RARB: variants seen among roughly 807,000 people sequenced by gnomAD.
RARB encodes the protein retinoic acid receptor beta.
Under a neutral mutation model 51.9 loss-of-function variants are expected in RARB, and 17 were observed. The ratio of observed to expected loss-of-function variants is 0.33; its 90% CI spans 0.22 to 0.49. The LOEUF is 0.49. RARB is among the 20% of genes least tolerant of loss of function. The pLI is 0.99. For synonymous variants in RARB, 215 were observed against 195.4 expected (o/e 1.10, Z -0.84); for missense variants, 369 against 550.8 (o/e 0.67, Z 3.30).
intron 2 of RARB, among the ~76,000 whole-genome samples, chr3:24,893,942 C>T (rs1477651117): frequency 1.3e-5 from 2 of 152,156 alleles, no homozygotes; most frequent in East Asian, 1.9e-4. Flanking sequence ...ATTATACTTT[C>T]AGTGTACCTA....
At chr3:25,427,345 A>G (rs1708022634), upstream of RARB, among the ~76,000 whole-genome samples, 1 of 152,206 alleles carries the variant, frequency 6.6e-6, no homozygotes, top group Non-Finnish European at 1.5e-5. Flanking sequence ...CCCAGTTAAC[A>G]CTGACGTGGG....
chr3:25,093,954 C>T (rs1178358678), intron 3 of RARB, among the ~76,000 whole-genome samples: 4 of 152,116 alleles, frequency 2.6e-5, no homozygotes, highest in African/African-American at 4.8e-5. Flanking sequence ...CACATATACA[C>T]ACAAAACAAA....
chr3:25,305,382 T>C (rs747235045), intron 5 of RARB, among the ~76,000 whole-genome samples: 2 of 152,078 alleles, frequency 1.3e-5, no homozygotes, highest in Non-Finnish European at 2.9e-5. Flanking sequence ...TTTAAAAATA[T>C]GATATCTCCC....
At chr3:25,537,269 C>T (rs1242207109) in intron 3 of RARB, among the ~76,000 whole-genome samples, 1 of 152,210 alleles carries the variant, frequency 6.6e-6, no homozygotes, top group Non-Finnish European at 1.5e-5. Context: ...CCATTTGATG[C>T]TTTAAGCTCA....
intron 4 of RARB, among the ~76,000 whole-genome samples, chr3:25,153,031 A>G (rs73050329): frequency 0.085 from 12,890 of 152,256 alleles, 720 homozygotes; most frequent in Non-Finnish European, 0.13. Flanking sequence ...AAAGGACAGA[A>G]TAATTTTGAA....
At chr3:25,026,312 A>C (rs1200870200) in intron 2 of RARB, among the ~76,000 whole-genome samples, 1 of 152,100 alleles carries the variant, frequency 6.6e-6, no homozygotes, top group Non-Finnish European at 1.5e-5. Flanking sequence ...ATAGAAATTT[A>C]TTTTCTCACA....
chr3:25,376,511 C>T (rs764637230), intron 5 of RARB, among the ~76,000 whole-genome samples: 6 of 152,174 alleles, frequency 3.9e-5, no homozygotes, highest in Non-Finnish European at 8.8e-5. Flanking sequence ...ACCTGGGAGA[C>T]TCTACGATAC....
chr3:24,883,629 T>G (rs906394545), intron 2 of RARB, among the ~76,000 whole-genome samples: 2 of 152,146 alleles, frequency 1.3e-5, no homozygotes, highest in African/African-American at 2.4e-5. Context: ...ATCTATGAAG[T>G]GTCAGCAGCT....
chr3:25,253,158 A>G (rs190556526), intron 5 of RARB, among the ~76,000 whole-genome samples: 2 of 152,306 alleles, frequency 1.3e-5, no homozygotes, highest in East Asian at 1.9e-4. Flanking sequence ...TACTAGTACT[A>G]CCAAAGAGTT....
At chr3:25,095,717 C>A (rs1383798862) in intron 3 of RARB, among the ~76,000 whole-genome samples, 3 of 151,828 alleles carry the variant, frequency 2.0e-5, no homozygotes. Flanking sequence ...TGGGGGTGGC[C>A]AGAGTATTAC....
intron 2 of RARB, among the ~76,000 whole-genome samples, chr3:25,043,827 T>C (rs768737291): frequency 1.3e-5 from 2 of 152,296 alleles, no homozygotes; most frequent in East Asian, 1.9e-4. Context: ...GTTAGACATA[T>C]GCAATAAAAA....
At chr3:25,077,715 T>A (rs1300655906) in intron 3 of RARB, among the ~76,000 whole-genome samples, 1 of 152,146 alleles carries the variant, frequency 6.6e-6, no homozygotes, top group East Asian at 1.9e-4. Context: ...AGAGTGTGTG[T>A]GTGTATGTGT....
At chr3:24,839,969 TATC>T (rs1239912740) in intron 1 of RARB, among the ~76,000 whole-genome samples, 1 of 152,190 alleles carries the variant, frequency 6.6e-6, no homozygotes, top group African/African-American at 2.4e-5. Flanking sequence ...GATTGGATGG[TATC>T]ATAGCTGAGA....
At chr3:25,008,402 G>C (rs1374315383) in intron 2 of RARB, among the ~76,000 whole-genome samples, 1 of 152,058 alleles carries the variant, frequency 6.6e-6, no homozygotes, top group Non-Finnish European at 1.5e-5. Context: ...CAGGAACTTG[G>C]CTTCTGAAAT....
At chr3:25,226,136 G>A (rs1009483092) in intron 5 of RARB, among the ~76,000 whole-genome samples, 1 of 152,064 alleles carries the variant, frequency 6.6e-6, no homozygotes, top group African/African-American at 2.4e-5. Flanking sequence ...TAAAAGATTT[G>A]CCATCAGTTT....
chr3:24,921,024 G>A (rs534562162), intron 2 of RARB, among the ~76,000 whole-genome samples: 1 of 152,236 alleles, frequency 6.6e-6, no homozygotes, highest in South Asian at 2.1e-4. Context: ...GCTTACTGGT[G>A]CAGAGGCCTA....
intron 5 of RARB, among the ~76,000 whole-genome samples, chr3:25,389,775 C>T (rs1264295158): frequency 1.3e-5 from 2 of 152,098 alleles, no homozygotes; most frequent in Admixed American, 1.3e-4. Context: ...GAAAGTGCAC[C>T]TGTGTGCATA....
chr3:24,941,353 A>G (rs1280011307), intron 2 of RARB, among the ~76,000 whole-genome samples: 1 of 151,750 alleles, frequency 6.6e-6, no homozygotes, highest in Non-Finnish European at 1.5e-5. Flanking sequence ...AAAATGTGAG[A>G]CAATCAGAAT....
intron 5 of RARB, among the ~76,000 whole-genome samples, chr3:25,266,689 G>A (rs1264364959): frequency 6.6e-6 from 1 of 152,156 alleles, no homozygotes; most frequent in Non-Finnish European, 1.5e-5. Context: ...ACTTTAAGAA[G>A]GTGATTAAGG....
Sources: allele counts gnomAD v4.1 joint callset (sites outside exome capture counted in the v4.1 genomes callset), GRCh38; gene constraint gnomAD v4.1.1; transcripts MANE v1.5; gene names NCBI Gene and HGNC (gene_info 2026-07-23, HGNC 2026-07-21).